Variants in CLYBL observed in about 807,000 individuals in gnomAD.
CLYBL encodes the protein citramalyl-CoA lyase, also known as citramalyl-CoA lyase, mitochondrial.
A neutral mutation model predicts 38.9 loss-of-function variants in CLYBL; 31 were observed. The observed-to-expected ratio is 0.80, with a 90% CI of 0.60 to 1.08. The LOEUF is 1.08. Ranked by LOEUF, CLYBL falls within the 50% of genes least tolerant of loss-of-function variation. The pLI, the probability that CLYBL is intolerant of heterozygous loss-of-function variation, is 0.00. For missense variants in CLYBL, 434 were observed against 411.6 expected, an observed-to-expected ratio of 1.05 and a Z score of -0.47; for synonymous variants, 171 against 158.6, an observed-to-expected ratio of 1.08 and a Z score of -0.59.
intron 1 of CLYBL, among the ~76,000 whole-genome samples, chr13:99,685,895 G>T (rs1358255595): frequency 6.6e-6 from 1 of 152,178 alleles, no homozygotes; most frequent in African/African-American, 2.4e-5. Flanking sequence ...CCGGGAGGTG[G>T]AGGTTGCAGT....
chr13:99,758,210 C>T (rs1206321181), intron 1 of CLYBL, among the ~76,000 whole-genome samples: 1 of 152,152 alleles, frequency 6.6e-6, no homozygotes, highest in Non-Finnish European at 1.5e-5. Context: ...GTTGGGAACC[C>T]CGTCATGCTA....
chr13:99,722,514 A>G (rs1265239960), intron 1 of CLYBL, among the ~76,000 whole-genome samples: 1 of 151,724 alleles, frequency 6.6e-6, no homozygotes, highest in African/African-American at 2.4e-5. Flanking sequence ...AACCTTATTC[A>G]TCTTTGTACT....
intron 1 of CLYBL, among the ~76,000 whole-genome samples, chr13:99,668,155 T>G (rs1407024919): frequency 6.6e-6 from 1 of 152,000 alleles, no homozygotes; most frequent in East Asian, 1.9e-4. Context: ...ATGCCTGTAG[T>G]CCCAGCTACG....
intron 2 of CLYBL, among the ~76,000 whole-genome samples, chr13:99,855,471 A>G (rs2051437492): frequency 6.6e-6 from 1 of 152,200 alleles, no homozygotes; most frequent in Non-Finnish European, 1.5e-5. Flanking sequence ...AGGGATGGTC[A>G]GAGCCAACCA....
chr13:99,766,072 C>G (rs1044732749), intron 1 of CLYBL, among the ~76,000 whole-genome samples: 1 of 151,698 alleles, frequency 6.6e-6, no homozygotes, highest in Non-Finnish European at 1.5e-5. Flanking sequence ...AGGCTAGTCT[C>G]GAACTCCTGC....
intron 7 of CLYBL, among the ~76,000 whole-genome samples, chr13:99,882,198 C>T (rs2052228105): frequency 2.0e-5 from 3 of 152,096 alleles, no homozygotes; most frequent in Admixed American, 2.0e-4. Context: ...CTTTGGGTTA[C>T]AATGATTAAT....
At position 99,891,279 on chromosome 13, in the gene CLYBL, G is replaced by A. The variant is rs570064532; in HGVS notation, c.928-39G>A. On this transcript the variant is annotated intron_variant, in intron 7 of 8. Coordinates refer to ENST00000339105, the MANE Select transcript of CLYBL (RefSeq NM_206808.5). ...GCACAGAAAGGAAACCTATAATTTC[G>A]AGTATTCTTTCAGGAAGTTTGTATT... 55 of 1,405,484 alleles carry A rather than the reference G, an allele frequency of 3.9e-5. No individual in the cohort carries two copies. In the Admixed American group the frequency reaches 4.2e-4, roughly 11 times the overall value. The allele number at this position is 1,405,484 out of a possible 1,614,324, so 87.1% of individuals were successfully genotyped here.
intron 1 of CLYBL, among the ~76,000 whole-genome samples, chr13:99,718,234 T>C (rs2048346742): frequency 6.6e-6 from 1 of 152,034 alleles, no homozygotes; most frequent in African/African-American, 2.4e-5. Context: ...AGGGGTCACT[T>C]AGGGAGTAAA....
intron 7 of CLYBL, among the ~76,000 whole-genome samples, chr13:99,886,546 T>G (rs1050208344): frequency 6.6e-6 from 1 of 152,246 alleles, no homozygotes; most frequent in Non-Finnish European, 1.5e-5. Context: ...CATAGACATA[T>G]GTATAGTAAG....
intron 1 of CLYBL, among the ~76,000 whole-genome samples, chr13:99,749,255 T>C (rs1197867096): frequency 1.3e-5 from 2 of 151,994 alleles, no homozygotes; most frequent in East Asian, 3.9e-4. Flanking sequence ...TCGCCCCTGG[T>C]GTCCCGATGG....
chr13:99,675,434 T>C (rs867197256), intron 1 of CLYBL, among the ~76,000 whole-genome samples: 26 of 152,234 alleles, frequency 1.7e-4, no homozygotes, highest in South Asian at 6.2e-4. Context: ...GTCTATTCAG[T>C]GTTATGCAAC....
rs1181366593 is a variant in CLYBL, at chr13:99,865,740, G to A, written c.635-500G>A. Among the ~76,000 whole-genome samples the A allele has an allele frequency of 3.9e-5, 6 of 152,110 alleles. No individual in the cohort carries two copies. The highest frequency in any genetic ancestry group is 2.1e-4 in the South Asian group (1 of 4,822). On this transcript the variant is annotated intron_variant, in intron 5 of 8. Coordinates refer to ENST00000339105, the MANE Select transcript of CLYBL (RefSeq NM_206808.5). The surrounding 1 kb of genome is among the most constrained non-coding windows in gnomAD (Gnocchi z 4.7). ...GCCCTCTCAAAACAAGTGCCCTCCCGTCTCCCCAAGTTCTCCATCCAGACA... is the reference window on the plus strand; with the variant it reads ...GCCCTCTCAAAACAAGTGCCCTCCCATCTCCCCAAGTTCTCCATCCAGACA...
intron 1 of CLYBL, among the ~76,000 whole-genome samples, chr13:99,756,712 A>C (rs371178752): frequency 1.9e-4 from 29 of 152,188 alleles, no homozygotes; most frequent in African/African-American, 6.7e-4. Context: ...AAGGTTAGAC[A>C]GTCCTGGACT....
At chr13:99,817,052 TTCTC>T (rs2050464642) in intron 2 of CLYBL, among the ~76,000 whole-genome samples, 1 of 152,190 alleles carries the variant, frequency 6.6e-6, no homozygotes, top group African/African-American at 2.4e-5. Flanking sequence ...CACTCCTTCT[TTCTC>T]AGCCGATTCA....
chr13:99,669,561 G>A (rs2139358120), intron 1 of CLYBL, among the ~76,000 whole-genome samples: 2 of 152,266 alleles, frequency 1.3e-5, no homozygotes, highest in South Asian at 4.1e-4. Flanking sequence ...TTGGGTGGTA[G>A]TTTCAAATCA....
chr13:99,777,758 G>A (rs1234025471), intron 2 of CLYBL, among the ~76,000 whole-genome samples: 2 of 152,180 alleles, frequency 1.3e-5, no homozygotes, highest in African/African-American at 2.4e-5. Flanking sequence ...CTCCCAAAGT[G>A]CTGGGATTAC....
At chr13:99,619,954 C>G (rs1304907476) in intron 1 of CLYBL, among the ~76,000 whole-genome samples, 1 of 152,184 alleles carries the variant, frequency 6.6e-6, no homozygotes, top group Non-Finnish European at 1.5e-5. Context: ...ATTGGTACAG[C>G]CTGCACTCAA....
At chr13:99,659,739 T>A (rs1182671876) in intron 1 of CLYBL, among the ~76,000 whole-genome samples, 1 of 152,226 alleles carries the variant, frequency 6.6e-6, no homozygotes, top group East Asian at 1.9e-4. Flanking sequence ...AGGTAGATGA[T>A]ATTTTAAAGG....
At chr13:99,714,532 G>A (rs1280683876) in intron 1 of CLYBL, among the ~76,000 whole-genome samples, 1 of 152,084 alleles carries the variant, frequency 6.6e-6, no homozygotes, top group African/African-American at 2.4e-5. Context: ...CAGGAGAACT[G>A]CTTGAACCGG....
Sources: gnomAD v4.1 joint callset for allele counts (sites outside exome capture counted in the v4.1 genomes callset) on GRCh38, gnomAD v4.1.1 for gene constraint, Gnocchi (gnomAD v3.1) non-coding constraint, MANE v1.5 for transcripts, NCBI Gene and HGNC (gene_info 2026-07-23, HGNC 2026-07-21) for gene names.